Variants in SULT1B1 observed in about 807,000 individuals in gnomAD.
SULT1B1 encodes the protein sulfotransferase family 1B member 1, also known as sulfotransferase 1B1.
A neutral mutation model predicts 34.6 loss-of-function variants in SULT1B1; 28 were observed. The observed-to-expected ratio is 0.81, with a 90% CI of 0.60 to 1.11. The LOEUF (loss-of-function observed/expected upper bound fraction) is 1.11, where lower values mean the gene tolerates loss of function less well. SULT1B1 is among the 50% of genes least tolerant of loss of function. The pLI is 0.00. For missense variants in SULT1B1, 374 were observed against 352.2 expected (o/e 1.06, Z -0.50); for synonymous variants, 147 against 110.2 (o/e 1.33, Z -2.09).
chr4:69,745,480 G>T (rs1410480593), intron 4 of SULT1B1, among the ~76,000 whole-genome samples: 1 of 152,200 alleles, frequency 6.6e-6, no homozygotes, highest in South Asian at 2.1e-4. Flanking sequence ...CCTTTTGATT[G>T]TTGGTTTAAA....
chr4:69,733,796 C>A (rs534599472), intron 5 of SULT1B1, among the ~76,000 whole-genome samples: 2 of 152,236 alleles, frequency 1.3e-5, no homozygotes, highest in African/African-American at 2.4e-5. Flanking sequence ...CTCATATCAA[C>A]TATTTACCTA....
intron 4 of SULT1B1, among the ~76,000 whole-genome samples, chr4:69,737,812 CAAA>C (rs1718376983): frequency 6.6e-6 from 1 of 152,028 alleles, no homozygotes; most frequent in South Asian, 2.1e-4. Context: ...AAAGAACAAA[CAAA>C]TAACGTGATA....
In SULT1B1 at chr4:69,755,115, G is replaced by A. The variant is rs1265523839; in HGVS notation, c.103C>T (p.His35Tyr). 4 of 1,613,836 alleles carry A rather than the reference G, an allele frequency of 2.5e-6. No homozygotes were observed. The highest frequency in any genetic ancestry group is 1.6e-4 in the Middle Eastern group (1 of 6,082). Residue 35 changes from histidine to tyrosine, a missense_variant, in exon 2 of 8, where the codon CAT becomes TAT. Coordinates refer to ENST00000310613, the MANE Select transcript of SULT1B1 (RefSeq NM_014465.4). The part of the protein sequence containing the change: ...ASNWEKIEQF[H>Y]SRPDDIVIAT... ...ATCACAATGTCATCTGGTCTGCTAT[G>A]GAACTGTTCAATTTTTTCCCAGTTG...
intron 4 of SULT1B1, among the ~76,000 whole-genome samples, chr4:69,739,357 A>C (rs116085780): frequency 0.013 from 1,983 of 152,322 alleles, 39 homozygotes; most frequent in African/African-American, 0.046. Context: ...ATCTAGGCAG[A>C]GGTTCCCAAA....
chr4:69,746,316 C>T (rs1324232806), intron 4 of SULT1B1, among the ~76,000 whole-genome samples: 1 of 152,088 alleles, frequency 6.6e-6, no homozygotes, highest in Non-Finnish European at 1.5e-5. Flanking sequence ...AGTTAATTGC[C>T]TCTCTCTATC....
intron 4 of SULT1B1, among the ~76,000 whole-genome samples, chr4:69,744,660 C>A (rs1315449602): frequency 5.9e-5 from 9 of 152,170 alleles, no homozygotes; most frequent in African/African-American, 1.9e-4. Context: ...CTTATTTATT[C>A]TTTCAAAAAA....
intron 3 of SULT1B1, among the ~76,000 whole-genome samples, chr4:69,751,990 C>T (rs1719000373): frequency 6.6e-6 from 1 of 152,174 alleles, no homozygotes; most frequent in South Asian, 2.1e-4. Flanking sequence ...CAGCATAATC[C>T]CTCAGTTCCA....
chr4:69,748,273 A>AG (rs1380227971), intron 4 of SULT1B1, among the ~76,000 whole-genome samples: 1 of 152,200 alleles, frequency 6.6e-6, no homozygotes, highest in Non-Finnish European at 1.5e-5. Flanking sequence ...TGGAAAAAAA[A>AG]TTACAAGGCA....
At chr4:69,758,580 C>T in intron 1 of SULT1B1, 1 of 605,600 alleles carries the variant, frequency 1.7e-6, no homozygotes, top group Non-Finnish European at 2.1e-6. Context: ...TTCATCGGCT[C>T]CAGAATGTAA....
intron 4 of SULT1B1, among the ~76,000 whole-genome samples, chr4:69,742,184 T>C (rs1482033374): frequency 1.3e-5 from 2 of 152,214 alleles, no homozygotes; most frequent in African/African-American, 4.8e-5. Context: ...TTAATTTGCA[T>C]GTATTGAGCT....
At chr4:69,737,551 C>T (rs989064572) in intron 4 of SULT1B1, among the ~76,000 whole-genome samples, 1 of 152,018 alleles carries the variant, frequency 6.6e-6, no homozygotes, top group Non-Finnish European at 1.5e-5. Flanking sequence ...CACTTGGGAC[C>T]ATTATGTTGA....
Position 69,723,462 on chromosome 4 carries a change from A to G in SULT1B1, c.*3626T>C, listed in dbSNP as rs1209060692. ...ACCAGAGGTCCAAGGAGGAGCTGGT[A>G]CCATTCCTTCTGAAACTATTCCAAT... On this transcript the variant is annotated 3_prime_UTR_variant, in exon 8 of 8. Transcript: ENST00000310613. The G allele has an allele frequency of 6.6e-6, 1 of 152,356 alleles. No individual in the cohort carries two copies. Among genetic ancestry groups the G allele is most frequent in the Admixed American group, 6.5e-5 (1 of 15,276 alleles). 9.4% of individuals were successfully genotyped at this position (152,356 alleles called of 1,614,324 possible). A position where few individuals can be genotyped will look rare whatever the true frequency, so the allele number is the denominator to read the frequency against.
At chr4:69,749,892 G>T in intron 3 of SULT1B1, 74 bp from the exon 4 acceptor site, 1 of 1,102,140 alleles carries the variant, frequency 9.1e-7, no homozygotes, top group Non-Finnish European at 1.4e-6. Context: ...TTGCCAACCA[G>T]TTTTTCAAGA....
At chr4:69,739,713 T>G (rs1339765754) in intron 4 of SULT1B1, among the ~76,000 whole-genome samples, 6 of 152,238 alleles carry the variant, frequency 3.9e-5, no homozygotes, top group Non-Finnish European at 5.9e-5. Flanking sequence ...TCAACTGGCT[T>G]GAATTTCTCC....
chr4:69,749,782 A>G lies in SULT1B1; in HGVS notation c.314T>C (p.Ile105Thr), dbSNP rs749496858. ...ATCAGTCGGTAGATGTGTTTTCACA[A>G]TCCGGGGTGATGGATTCTTCTCCAA... ...EQLEKNPSPR[I>T]VKTHLPTDLL... The change falls in exon 4 of 8, where the codon ATT (isoleucine) becomes ACT (threonine). Residue 105 changes from isoleucine (I) to threonine (T), a missense_variant. Ile to Thr is a moderately conservative substitution (Grantham distance 89, BLOSUM62 -1). Coordinates refer to ENST00000310613, the MANE Select transcript of SULT1B1 (RefSeq NM_014465.4). 6.2e-7 allele frequency: 1 copy of G among 1,613,706 alleles called. No homozygotes were observed. The highest frequency in any genetic ancestry group is 1.1e-5 in the South Asian group (1 of 91,074).
At chr4:69,757,789 A>G (rs1719248281) in intron 1 of SULT1B1, among the ~76,000 whole-genome samples, 1 of 152,196 alleles carries the variant, frequency 6.6e-6, no homozygotes, top group African/African-American at 2.4e-5. Flanking sequence ...CTTATGCTAC[A>G]AATAGAGTGA....
chr4:69,721,326 A>G lies in SULT1B1; in HGVS notation c.*5762T>C, dbSNP rs1717664726. 1.3e-5 allele frequency: 2 copies of G among 152,166 alleles called. No homozygotes were observed. The highest frequency in any genetic ancestry group is 4.8e-5 in the African/African-American group (2 of 41,468). The allele number at this position is 152,166 out of a possible 1,614,324, so 9.4% of individuals were successfully genotyped here. On this transcript the variant is annotated 3_prime_UTR_variant, in exon 8 of 8. Transcript: ENST00000310613. ...AGACATTTGTGAAGACAGCTTACAT[A>G]ATAAAAACAATTTATACATGGGTCA...
intron 4 of SULT1B1, among the ~76,000 whole-genome samples, chr4:69,736,946 T>C (rs1307775947): frequency 2.6e-5 from 4 of 151,958 alleles, no homozygotes; most frequent in Admixed American, 6.5e-5. Context: ...ATTTGGAGAA[T>C]TGGTGACCAA....
intron 6 of SULT1B1, 57 bp downstream of exon 6, chr4:69,733,356 C>T: frequency 1.6e-6 from 2 of 1,263,472 alleles, no homozygotes; most frequent in Non-Finnish European, 2.2e-6. Context: ...AAATATCAAC[C>T]CTTTTACAGC....
Sources: gnomAD v4.1 joint callset for allele counts (sites outside exome capture counted in the v4.1 genomes callset) on GRCh38, gnomAD v4.1.1 for gene constraint, MANE v1.5 for transcripts, NCBI Gene and HGNC (gene_info 2026-07-23, HGNC 2026-07-21) for gene names.